The following OSBPL10 variants were observed in gnomAD, a reference collection of about 807,000 sequenced individuals.
OSBPL10 encodes the protein oxysterol binding protein like 10.
A neutral mutation model predicts 81.7 loss-of-function variants in OSBPL10; 49 were observed. The ratio of observed to expected loss-of-function variants is 0.60; its 90% confidence interval spans 0.48 to 0.76. The LOEUF is 0.76. Among genes scored for constraint, OSBPL10 ranks in the 30% least tolerant of loss-of-function variants. OSBPL10 has a pLI of 0.00. For synonymous variants in OSBPL10, 419 were observed against 383.6 expected (o/e 1.09, Z -1.08); for missense variants, 923 against 987.8 (o/e 0.93, Z 0.88).
chr3:31,957,114 G>A (rs1052367478), intron 1 of OSBPL10, among the ~76,000 whole-genome samples: 5 of 152,120 alleles, frequency 3.3e-5, no homozygotes, highest in Non-Finnish European at 5.9e-5. Context: ...CAGCCTGGGC[G>A]ACAGAGTGAG....
chr3:31,838,114 C>G (rs1198539181), intron 3 of OSBPL10, among the ~76,000 whole-genome samples: 2 of 152,128 alleles, frequency 1.3e-5, no homozygotes, highest in Non-Finnish European at 2.9e-5. Context: ...CAACCAGATA[C>G]AAATATTAAC....
chr3:31,823,459 G>C (rs1700027920), intron 4 of OSBPL10, among the ~76,000 whole-genome samples: 1 of 152,172 alleles, frequency 6.6e-6, no homozygotes, highest in Non-Finnish European at 1.5e-5. Flanking sequence ...TCACAGTCTA[G>C]GGCAGTGCTA....
At chr3:31,662,558 A>G (rs1352103138) in intron 11 of OSBPL10, 4 of 917,972 alleles carry the variant, frequency 4.4e-6, no homozygotes, top group African/African-American at 1.8e-5. Flanking sequence ...ACAAATCAGC[A>G]CACACAAGAA....
intron 4 of OSBPL10, among the ~76,000 whole-genome samples, chr3:31,788,531 G>A (rs944518988): frequency 1.4e-4 from 21 of 152,056 alleles, no homozygotes; most frequent in Admixed American, 1.2e-3. Flanking sequence ...AAAATCACAG[G>A]TAATCCAAAA....
intron 11 of OSBPL10, chr3:31,662,693 T>G (rs956897653): frequency 1.9e-5 from 19 of 985,402 alleles, no homozygotes; most frequent in Non-Finnish European, 2.3e-5. Context: ...TCTTATTCCT[T>G]ACATGTTCCC....
intron 2 of OSBPL10, among the ~76,000 whole-genome samples, chr3:32,031,548 GC>G (rs1468785325): frequency 6.6e-6 from 1 of 151,434 alleles, no homozygotes; most frequent in African/African-American, 2.4e-5. Flanking sequence ...TGCAACCTCT[GC>G]CCCCCAGTTT....
rs189192693 is a variant in OSBPL10, at chr3:32,062,957, C to T, written n.185+14439G>A. On this transcript the variant is annotated intron_variant and non_coding_transcript_variant, in intron 1 of 3. Coordinates refer to the OSBPL10 transcript ENST00000479173. Reference sequence around the variant, plus strand: ...TACTTCTTACTTTTAATGTACTGCCCGAGTACAAATCCTGATATTGTCATG... The same window carrying T: ...TACTTCTTACTTTTAATGTACTGCCTGAGTACAAATCCTGATATTGTCATG... 1.9e-4 allele frequency among the ~76,000 whole-genome samples: 18 copies of T among 93,796 alleles called. 7 individuals are homozygous for T. Among genetic ancestry groups the T allele is most frequent in the Admixed American group, 1.8e-3 (14 of 7,690 alleles). 61.5% of individuals were successfully genotyped at this position (93,796 alleles called of 152,430 possible). A position where few individuals can be genotyped will look rare whatever the true frequency, so the allele number is the denominator to read the frequency against.
At chr3:31,726,683 G>A (rs891940621) in intron 6 of OSBPL10, among the ~76,000 whole-genome samples, 9 of 151,904 alleles carry the variant, frequency 5.9e-5, no homozygotes, top group African/African-American at 1.9e-4. Context: ...GCAATATTTG[G>A]GACTACAGCT....
At chr3:31,820,800 GAAAC>G (rs1699966096) in intron 4 of OSBPL10, among the ~76,000 whole-genome samples, 1 of 152,094 alleles carries the variant, frequency 6.6e-6, no homozygotes, top group African/African-American at 2.4e-5. Flanking sequence ...TGCAAGGTGA[GAAAC>G]TCCTTCCTCT....
chr3:32,029,218 G>T (rs532517990), intron 2 of OSBPL10, among the ~76,000 whole-genome samples: 72 of 152,160 alleles, frequency 4.7e-4, no homozygotes, highest in Admixed American at 2.4e-3. Context: ...AGGTCAAAAG[G>T]TCAAACCACA....
intron 4 of OSBPL10, among the ~76,000 whole-genome samples, chr3:31,749,813 T>C (rs1697656553): frequency 6.6e-6 from 1 of 151,550 alleles, no homozygotes; most frequent in South Asian, 2.1e-4. Flanking sequence ...AGACGCCATC[T>C]CAAAAATAAA....
intron 2 of OSBPL10, among the ~76,000 whole-genome samples, chr3:32,010,305 T>G (rs1472011665): frequency 1.3e-5 from 2 of 152,176 alleles, no homozygotes; most frequent in Admixed American, 6.5e-5. Flanking sequence ...TCTAGAACTA[T>G]GAGAAAATAA....
chr3:31,685,137 A>G (rs928788855), intron 7 of OSBPL10, among the ~76,000 whole-genome samples: 2 of 152,212 alleles, frequency 1.3e-5, no homozygotes, highest in Non-Finnish European at 2.9e-5. Context: ...ACTGCTTTTT[A>G]AAGAAGAGAA....
At chr3:31,669,804 A>C (rs1469963837) in intron 9 of OSBPL10, among the ~76,000 whole-genome samples, 1 of 152,178 alleles carries the variant, frequency 6.6e-6, no homozygotes, top group Non-Finnish European at 1.5e-5. Context: ...CTTAAGGCCC[A>C]GCTCAGGCTG....
chr3:31,847,540 G>A (rs909494716), intron 3 of OSBPL10, among the ~76,000 whole-genome samples: 1 of 152,088 alleles, frequency 6.6e-6, no homozygotes, highest in African/African-American at 2.4e-5. Context: ...CCTCAGAGCT[G>A]TCCTTTCCTT....
chr3:31,756,454 T>C (rs1697892721), intron 4 of OSBPL10, among the ~76,000 whole-genome samples: 1 of 152,162 alleles, frequency 6.6e-6, no homozygotes, highest in South Asian at 2.1e-4. Flanking sequence ...AAGACAGTTA[T>C]AAAGAAGGAA....
chr3:31,925,514 A>G (rs2125711816), intron 1 of OSBPL10, among the ~76,000 whole-genome samples: 1 of 150,252 alleles, frequency 6.7e-6, no homozygotes, highest in East Asian at 2.0e-4. Context: ...AAGGAGTGCT[A>G]TTAATAATTA....
intron 4 of OSBPL10, among the ~76,000 whole-genome samples, chr3:31,804,853 G>C (rs1041625306): frequency 6.6e-6 from 1 of 152,206 alleles, no homozygotes; most frequent in South Asian, 2.1e-4. Flanking sequence ...AATCTGCTTT[G>C]GTTTGCAATT....
At chr3:31,697,788 A>G (rs1281245160) in intron 7 of OSBPL10, among the ~76,000 whole-genome samples, 2 of 151,306 alleles carry the variant, frequency 1.3e-5, no homozygotes, top group Non-Finnish European at 2.9e-5. Context: ...TTTGAGATGG[A>G]GTCTTGCACT....
Sources: allele counts gnomAD v4.1 joint callset (sites outside exome capture counted in the v4.1 genomes callset), GRCh38; gene constraint gnomAD v4.1.1; transcripts MANE v1.5; gene names NCBI Gene and HGNC (gene_info 2026-07-23, HGNC 2026-07-21).